Variants in PZP observed in about 807,000 individuals in gnomAD.
The protein encoded by PZP is PZP alpha-2-macroglobulin like.
A neutral mutation model predicts 179.8 loss-of-function variants in PZP; 150 were observed. The observed-to-expected ratio is 0.83, with a 90% CI of 0.73 to 0.96. PZP has a LOEUF of 0.96. Ranked by LOEUF, PZP falls within the 40% of genes least tolerant of loss-of-function variation. The pLI is 0.00. For synonymous variants in PZP, 624 were observed against 652.3 expected (o/e 0.96, Z 0.66); for missense variants, 1,689 against 1,764.0 (o/e 0.96, Z 0.76).
At chr12:9,161,368 A>G (rs891783110) in intron 22 of PZP, among the ~76,000 whole-genome samples, 1 of 152,236 alleles carries the variant, frequency 6.6e-6, no homozygotes, top group African/African-American at 2.4e-5. Flanking sequence ...TATTAGAGTT[A>G]GCAGTAATAT....
rs567774904 is a variant in PZP, at chr12:9,204,833, T to A, written c.84-882A>T. On this transcript the variant is annotated intron_variant, in intron 1 of 35. Coordinates refer to ENST00000261336, the MANE Select transcript of PZP (RefSeq NM_002864.3). ...GGTTCAGGCTGGGAGAAGTGGCTTA[T>A]ACCTAGTTCCCGGCACTTTGGGAGG... Among the ~76,000 whole-genome samples, 32 of 152,276 alleles carry A rather than the reference T, an allele frequency of 2.1e-4. No homozygotes were observed. In the South Asian group the frequency reaches 3.3e-3, roughly 16 times the overall value.
chr12:9,197,297 C>T (rs1475804570), intron 7 of PZP, among the ~76,000 whole-genome samples, 174 bp from the exon 8 acceptor site: 2 of 149,718 alleles, frequency 1.3e-5, no homozygotes, highest in Non-Finnish European at 3.0e-5. Flanking sequence ...GCCATTAAAA[C>T]CTTTGAAACT....
intron 25 of PZP, among the ~76,000 whole-genome samples, 176 bp from the exon 26 acceptor site, chr12:9,158,752 C>CTTTTTTTTTTTTTTT (rs200458490): frequency 1.0e-5 from 1 of 97,818 alleles, no homozygotes; most frequent in Non-Finnish European, 2.0e-5. Flanking sequence ...TTTTTCTTTT[C>CTTTTTTTTTTTTTTT]TTTTCTTTTT....
chr12:9,143,465 G>A, the PZP span, among the ~76,000 whole-genome samples: 2 of 152,078 alleles, frequency 1.3e-5, no homozygotes, highest in East Asian at 1.9e-4. Flanking sequence ...GGGTCAAAAG[G>A]GGTTTCAGAG....
At chr12:9,192,116 C>A in intron 13 of PZP, 77 bp downstream of exon 13, 1 of 1,252,502 alleles carries the variant, frequency 8.0e-7, no homozygotes, top group Non-Finnish European at 1.2e-6. Flanking sequence ...AAACGATTTC[C>A]CATTTATGAA....
intron 7 of PZP, among the ~76,000 whole-genome samples, chr12:9,198,250 G>T (rs182073155): frequency 6.6e-6 from 1 of 151,936 alleles, no homozygotes; most frequent in East Asian, 1.9e-4. Flanking sequence ...ACTTAAGGAG[G>T]TTTAGGCAGG....
rs757044492 is a variant in PZP, at chr12:9,162,610, C to G, written c.2775G>C (p.Met925Ile). The change falls in exon 22 of 36, where the codon ATG (methionine) becomes ATC (isoleucine). Residue 925 changes from methionine to isoleucine, a missense_variant. Transcript: ENST00000261336. ...GIEQEKTFSS[M>I]TCASGANVSE... ...ATGGACTCTTACCTGAGGCACAGGTCATAGAACTGAAAGTCTTTTCTTGCT... is the reference window on the plus strand; with the variant it reads ...ATGGACTCTTACCTGAGGCACAGGTGATAGAACTGAAAGTCTTTTCTTGCT... 1.3e-6 allele frequency: 2 copies of G among 1,594,236 alleles called. No individual in the cohort carries two copies. Among genetic ancestry groups the G allele is most frequent in the East Asian group, 4.5e-5 (2 of 44,746 alleles).
chr12:9,149,614 CGTT>C lies in PZP; in HGVS notation c.4385-15_4385-13del. The C allele has an allele frequency of 6.2e-7, 1 of 1,611,750 alleles. No individual in the cohort carries two copies. Among genetic ancestry groups the C allele is most frequent in the Non-Finnish European group, 8.5e-7 (1 of 1,178,632 alleles). ...AACCACAGACTCATCTGAAAGATAA[CGTT>C]GGGTGAAGGAAGAAACGAAAGATCT... On this transcript the variant is annotated splice_polypyrimidine_tract_variant and intron_variant, in intron 34 of 35. Coordinates refer to ENST00000261336, the MANE Select transcript of PZP (RefSeq NM_002864.3).
chr12:9,176,365 T>C (rs1236684195), intron 15 of PZP, among the ~76,000 whole-genome samples: 1 of 152,154 alleles, frequency 6.6e-6, no homozygotes. Flanking sequence ...AATACCTAGG[T>C]GATGGGTTGA....
Position 9,208,297 on chromosome 12 carries a change from A to G in PZP, c.45T>C (p.Leu15=), listed in dbSNP as rs994621945. 5 of 1,613,648 alleles carry G rather than the reference A, an allele frequency of 3.1e-6. No individual in the cohort carries two copies. In the African/African-American group the frequency reaches 6.7e-5, roughly 22 times the overall value. ...TTGAGTCACTGGCAGAAAGCAGGAT[A>G]AGAAGTAGCACAAGACATAAATGAA... The part of the protein sequence containing the change: ...RLLHLCLVLL[L]ILLSASDSNS... Residue 15 remains leucine, a synonymous_variant, in exon 1 of 36, where the codon CTT becomes CTC. Coordinates refer to ENST00000261336, the MANE Select transcript of PZP (RefSeq NM_002864.3).
At position 9,181,958 on chromosome 12, in the gene PZP, T is replaced by C; in HGVS notation, c.1689+17A>G. ...TCATTTATTTGTGTTCTTTTAATTT[T>C]ATGTTAAATCGCTCACCTTGTTGGC... On this transcript the variant is annotated intron_variant, in intron 14 of 35. Coordinates refer to ENST00000261336, the MANE Select transcript of PZP (RefSeq NM_002864.3). 2 of 1,610,424 alleles carry C rather than the reference T, an allele frequency of 1.2e-6. No individual in the cohort carries two copies. Among genetic ancestry groups the C allele is most frequent in the Non-Finnish European group, 1.7e-6 (2 of 1,178,242 alleles).
chr12:9,163,347 G>T (rs978533398), intron 21 of PZP, among the ~76,000 whole-genome samples: 1 of 151,564 alleles, frequency 6.6e-6, no homozygotes, highest in Non-Finnish European at 1.5e-5. Context: ...CAGCTACTCG[G>T]GAGGCTGAGG....
At chr12:9,207,150 T>C (rs1270212906) in intron 1 of PZP, among the ~76,000 whole-genome samples, 1 of 152,170 alleles carries the variant, frequency 6.6e-6, no homozygotes, top group East Asian at 1.9e-4. Flanking sequence ...CTATTTGTGT[T>C]AGATGGATAA....
At chr12:9,157,702 G>A in intron 27 of PZP, 65 bp downstream of exon 27, 1 of 1,409,188 alleles carries the variant, frequency 7.1e-7, no homozygotes, top group Non-Finnish European at 1.0e-6. Context: ...CCCTTAGCAG[G>A]GTGGCATTCC....
At chr12:9,177,085 G>C (rs900968327) in intron 15 of PZP, among the ~76,000 whole-genome samples, 1 of 152,264 alleles carries the variant, frequency 6.6e-6, no homozygotes, top group African/African-American at 2.4e-5. Flanking sequence ...AATAATCTCT[G>C]CCTCCTGGTA....
intron 21 of PZP, among the ~76,000 whole-genome samples, chr12:9,163,326 G>T (rs568571270): frequency 6.7e-6 from 1 of 150,132 alleles, no homozygotes; most frequent in African/African-American, 2.5e-5. Context: ...TTAGCCAGGC[G>T]CCTGTAGTCC....
chr12:9,206,932 G>A (rs1944465030), intron 1 of PZP, among the ~76,000 whole-genome samples: 2 of 152,140 alleles, frequency 1.3e-5, no homozygotes, highest in African/African-American at 4.8e-5. Context: ...AAGCAAAATA[G>A]CCTCCACATA....
At chr12:9,192,486 A>G (rs749586138) in intron 12 of PZP, 26 bp downstream of exon 12, 5 of 1,591,434 alleles carry the variant, frequency 3.1e-6, no homozygotes, top group South Asian at 1.1e-5. Context: ...ATAAGCTGCA[A>G]TTGTATTCCA....
Position 9,149,234 on chromosome 12 carries a change from G to A in PZP, c.4427-240C>T, listed in dbSNP as rs745320910. Among the ~76,000 whole-genome samples, 85 of 152,360 alleles carry A rather than the reference G, an allele frequency of 5.6e-4. 1 individual carries two copies. Among genetic ancestry groups the A allele is most frequent in the Non-Finnish European group, 6.8e-4 (46 of 68,034 alleles). The stretch of plus-strand genomic sequence containing the variant: ...AATAAAGCTTCATTTACAAAATTAA[G>A]TGTAAGGCTAGATTTGGTTTTAGGT... On this transcript the variant is annotated intron_variant, in intron 35 of 35. Transcript: ENST00000261336.
Sources: allele counts gnomAD v4.1 joint callset (sites outside exome capture counted in the v4.1 genomes callset), GRCh38; gene constraint gnomAD v4.1.1; transcripts MANE v1.5; gene names NCBI Gene and HGNC (gene_info 2026-07-23, HGNC 2026-07-21).